Variants in SH3RF3 observed in about 807,000 individuals in gnomAD.
The protein encoded by SH3RF3 is E3 ubiquitin-protein ligase SH3RF3.
In SH3RF3, 29 loss-of-function variants were observed where a neutral mutation model predicts 66.3. The observed-to-expected ratio is 0.44, with a 90% CI of 0.33 to 0.60. SH3RF3 has a LOEUF of 0.60. Among genes scored for constraint, SH3RF3 ranks in the 20% least tolerant of loss-of-function variants. The pLI is 0.04. For missense variants in SH3RF3, 1,194 were observed against 1,190.9 expected, an observed-to-expected ratio of 1.00 and a Z score of -0.04; for synonymous variants, 583 against 532.0, an observed-to-expected ratio of 1.10 and a Z score of -1.32.
chr2:109,383,298 G>T (rs539713208), intron 3 of SH3RF3, among the ~76,000 whole-genome samples: 1 of 152,364 alleles, frequency 6.6e-6, no homozygotes, highest in East Asian at 1.9e-4. Flanking sequence ...GCACACCCAT[G>T]TGGAGTCACT....
chr2:109,137,138 A>T (rs956202511), intron 1 of SH3RF3, among the ~76,000 whole-genome samples: 1 of 152,206 alleles, frequency 6.6e-6, no homozygotes, highest in Non-Finnish European at 1.5e-5. Context: ...ATGTGTCTAT[A>T]TCTTTTTATT....
intron 1 of SH3RF3, among the ~76,000 whole-genome samples, chr2:109,166,827 A>T (rs1454463482): frequency 2.0e-5 from 3 of 152,252 alleles, no homozygotes; most frequent in Non-Finnish European, 4.4e-5. Flanking sequence ...TTAAGTATAA[A>T]ACTATAATCC....
chr2:109,282,726 T>G (rs766154711), intron 1 of SH3RF3, among the ~76,000 whole-genome samples: 51 of 152,336 alleles, frequency 3.3e-4, no homozygotes, highest in Non-Finnish European at 6.8e-4. Flanking sequence ...TTTATGGCTT[T>G]GTTTCATAGT....
intron 5 of SH3RF3, among the ~76,000 whole-genome samples, chr2:109,420,078 G>C: frequency 6.6e-6 from 1 of 152,212 alleles, no homozygotes; most frequent in East Asian, 1.9e-4. Flanking sequence ...CCCCGTCCCA[G>C]GGCCACACCA....
chr2:109,223,419 G>T (rs1003780944), intron 1 of SH3RF3, among the ~76,000 whole-genome samples: 1 of 152,208 alleles, frequency 6.6e-6, no homozygotes, highest in African/African-American at 2.4e-5. Context: ...TGGAGTTGCC[G>T]AAGTGCTTTG....
chr2:109,314,736 C>T (rs1036029), intron 1 of SH3RF3, among the ~76,000 whole-genome samples: 47,470 of 152,074 alleles, frequency 0.31, 9,189 homozygotes, highest in African/African-American at 0.55. Context: ...TAATATCCAC[C>T]AGCCAATTTC....
chr2:109,449,183 A>G lies in SH3RF3; in HGVS notation c.1842A>G (p.Ala614=), dbSNP rs756212362. ...CCCCGTCTCCAGCTGCCCACTCTGC[A>G]GCCCAGGCTCAGGACCGGCCAACTG... ...RSTISTAAHS[A]AQAQDRPTAT... Residue 614 remains alanine, a synonymous_variant, in exon 8 of 10, where the codon GCA becomes GCG. Transcript: ENST00000309415. 1.2e-6 allele frequency: 2 copies of G among 1,613,590 alleles called. No homozygotes were observed. Among genetic ancestry groups the G allele is most frequent in the South Asian group, 1.1e-5 (1 of 90,976 alleles).
chr2:109,148,900 T>G (rs1217658235), intron 1 of SH3RF3, among the ~76,000 whole-genome samples: 1 of 152,114 alleles, frequency 6.6e-6, no homozygotes, highest in Non-Finnish European at 1.5e-5. Flanking sequence ...TTCTGATTGG[T>G]GGTTTTACCC....
chr2:109,280,432 G>T (rs1480424184), intron 1 of SH3RF3, among the ~76,000 whole-genome samples: 2 of 152,162 alleles, frequency 1.3e-5, no homozygotes, highest in Admixed American at 6.5e-5. Context: ...CCCCAGTCTG[G>T]TGGACGCTCA....
intron 1 of SH3RF3, among the ~76,000 whole-genome samples, chr2:109,326,390 C>T (rs1273257559): frequency 6.6e-6 from 1 of 151,928 alleles, no homozygotes; most frequent in Non-Finnish European, 1.5e-5. Context: ...AGAAGTACAT[C>T]CTTACCCTGG....
In SH3RF3 at chr2:109,311,543, A is replaced by G. The variant is rs570532733; in HGVS notation, c.574-36131A>G. ...AAGGGTATTCAATGAGGAAAAGAGG[A>G]AGTCAAATTGTCCCTGTTTGCAGAC... On this transcript the variant is annotated intron_variant, in intron 1 of 9. Transcript: ENST00000309415. 7.9e-5 allele frequency among the ~76,000 whole-genome samples: 12 copies of G among 152,160 alleles called. No individual in the cohort carries two copies. In the South Asian group the frequency reaches 2.5e-3, roughly 32 times the overall value.
At chr2:109,498,530 G>T (rs1003055390) in intron 9 of SH3RF3, among the ~76,000 whole-genome samples, 134 of 152,324 alleles carry the variant, frequency 8.8e-4, no homozygotes, top group Middle Eastern at 6.8e-3. Flanking sequence ...GTGAACACGT[G>T]GGGTGGGGAA....
At chr2:109,197,428 C>T (rs568208033) in intron 1 of SH3RF3, among the ~76,000 whole-genome samples, 1 of 152,316 alleles carries the variant, frequency 6.6e-6, no homozygotes, top group Admixed American at 6.5e-5. Flanking sequence ...CTTAATTTCT[C>T]TTATCTTGTT....
At chr2:109,213,085 C>T (rs764345272) in intron 1 of SH3RF3, among the ~76,000 whole-genome samples, 9 of 152,214 alleles carry the variant, frequency 5.9e-5, no homozygotes, top group Non-Finnish European at 1.3e-4. Flanking sequence ...AATCTGAAAG[C>T]ACAGTCAAGC....
At chr2:109,373,930 G>A (rs933067492) in intron 3 of SH3RF3, among the ~76,000 whole-genome samples, 3 of 151,988 alleles carry the variant, frequency 2.0e-5, no homozygotes, top group African/African-American at 7.3e-5. Flanking sequence ...GTGCAGGCCC[G>A]AGACCCAGTC....
chr2:109,170,920 G>C (rs1432227541), intron 1 of SH3RF3, among the ~76,000 whole-genome samples: 1 of 152,172 alleles, frequency 6.6e-6, no homozygotes, highest in Non-Finnish European at 1.5e-5. Flanking sequence ...TCACTAAGCA[G>C]CTGTTGCCTG....
At chr2:109,441,916 G>A (rs1274545006) in intron 7 of SH3RF3, among the ~76,000 whole-genome samples, 1 of 151,970 alleles carries the variant, frequency 6.6e-6, no homozygotes, top group Admixed American at 6.6e-5. Flanking sequence ...AAATATAGCT[G>A]TCAATCTAGT....
chr2:109,259,915 G>T (rs1680310110), intron 1 of SH3RF3, among the ~76,000 whole-genome samples: 1 of 152,154 alleles, frequency 6.6e-6, no homozygotes, highest in South Asian at 2.1e-4. Flanking sequence ...GTGCTACACC[G>T]TGCACAACAG....
intron 1 of SH3RF3, among the ~76,000 whole-genome samples, chr2:109,145,767 A>AG (rs1677082961): frequency 6.6e-6 from 1 of 152,220 alleles, no homozygotes. Flanking sequence ...GCGGGAACCC[A>AG]GGAGCAGTAT....
Sources: gnomAD v4.1 joint callset for allele counts (sites outside exome capture counted in the v4.1 genomes callset) on GRCh38, gnomAD v4.1.1 for gene constraint, MANE v1.5 for transcripts, NCBI Gene and HGNC (gene_info 2026-07-23, HGNC 2026-07-21) for gene names.